RBFOX1: variants seen among roughly 807,000 people sequenced by gnomAD.
The protein encoded by RBFOX1 is RNA binding fox-1 homolog 1.
In RBFOX1, 8 loss-of-function variants were observed where a neutral mutation model predicts 57.7. That is an observed-to-expected ratio of 0.14 (90% CI 0.08 to 0.25). The LOEUF is 0.25. Among genes scored for constraint, RBFOX1 ranks in the 10% least tolerant of loss-of-function variants. The probability of loss-of-function intolerance (pLI) is 1.00; values close to 1 mark genes in which losing one functional copy is unlikely to be tolerated. For synonymous variants in RBFOX1, 326 were observed against 222.4 expected (o/e 1.47, Z -4.15); for missense variants, 611 against 548.5 (o/e 1.11, Z -1.14).
At chr16:6,802,269 G>A (rs2085654176) in intron 3 of RBFOX1, among the ~76,000 whole-genome samples, 1 of 152,116 alleles carries the variant, frequency 6.6e-6, no homozygotes, top group Non-Finnish European at 1.5e-5. Context: ...CAGTAGTTGT[G>A]GAGGCCTGTG....
chr16:6,906,983 C>G (rs2070168690), intron 3 of RBFOX1, among the ~76,000 whole-genome samples: 2 of 152,122 alleles, frequency 1.3e-5, no homozygotes, highest in Admixed American at 6.5e-5. Flanking sequence ...CTCAGCTTCC[C>G]AAAGTGCTAG....
rs145046913 is a variant in RBFOX1 at position 6,405,559 on chromosome 16, C to T, written c.-64+88502C>T. ...CATGCTTAGGCCTGCAAGTGAAACT[C>T]CTTGGTCAGAACTAGTGAAATGGCC... On this transcript the variant is annotated intron_variant, in intron 2 of 15. Coordinates refer to ENST00000550418, the MANE Select transcript of RBFOX1 (RefSeq NM_018723.4). 7.0e-4 allele frequency among the ~76,000 whole-genome samples: 106 copies of T among 152,268 alleles called. No individual in the cohort carries two copies. In the Middle Eastern group the frequency reaches 0.014, roughly 20 times the overall value.
intron 2 of RBFOX1, among the ~76,000 whole-genome samples, chr16:6,612,267 G>A (rs756742404): frequency 1.3e-5 from 2 of 152,062 alleles, no homozygotes; most frequent in Non-Finnish European, 2.9e-5. Context: ...TTAAAATTTT[G>A]CATGATCACA....
intron 1 of RBFOX1, among the ~76,000 whole-genome samples, chr16:6,305,309 T>C (rs2079362968): frequency 2.0e-5 from 3 of 152,170 alleles, no homozygotes; most frequent in African/African-American, 7.2e-5. Flanking sequence ...AATCTGTGAA[T>C]TGGAGATAAT....
chr16:6,024,493 G>A (rs1172967107), intron 1 of RBFOX1, among the ~76,000 whole-genome samples: 3 of 151,330 alleles, frequency 2.0e-5, no homozygotes, highest in East Asian at 1.9e-4. Context: ...ACTCATCTCC[G>A]CTTTCTTTTT....
chr16:7,164,613 C>A (rs920979282), intron 4 of RBFOX1, among the ~76,000 whole-genome samples: 5 of 152,170 alleles, frequency 3.3e-5, no homozygotes, highest in African/African-American at 9.7e-5. Context: ...CTTTTAATAA[C>A]GTGTAATTTC....
rs550240674 is a variant in RBFOX1, at chr16:7,528,160, A to T, written c.270+9771A>T. ...AATGAGGAATGCTCAGGCATATTCTAAGGGTTTGATTTAATGTTTCCTTAG... is the reference window on the plus strand; with the variant it reads ...AATGAGGAATGCTCAGGCATATTCTTAGGGTTTGATTTAATGTTTCCTTAG... On this transcript the variant is annotated intron_variant, in intron 5 of 15. Coordinates refer to ENST00000550418, the MANE Select transcript of RBFOX1 (RefSeq NM_018723.4). 5.3e-5 allele frequency among the ~76,000 whole-genome samples: 8 copies of T among 152,306 alleles called. No homozygotes were observed. The Middle Eastern group carries it at 0.01, about 194-fold the overall frequency.
intron 3 of RBFOX1, among the ~76,000 whole-genome samples, chr16:7,007,934 A>G (rs117638086): frequency 0.015 from 2,345 of 152,296 alleles, 40 homozygotes; most frequent in South Asian, 0.026. Flanking sequence ...TCCTAGTACA[A>G]CAGGTGCCGT....
chr16:7,013,183 C>A (rs2093733378), intron 3 of RBFOX1, among the ~76,000 whole-genome samples: 1 of 152,164 alleles, frequency 6.6e-6, no homozygotes, highest in African/African-American at 2.4e-5. Context: ...TACTCATTGG[C>A]TTTGTGACTG....
At chr16:7,205,818 C>A (rs1444687917) in intron 4 of RBFOX1, among the ~76,000 whole-genome samples, 3 of 152,188 alleles carry the variant, frequency 2.0e-5, no homozygotes, top group South Asian at 2.1e-4. Context: ...GAAACCTTAC[C>A]ACTGAGAGAA....
intron 2 of RBFOX1, among the ~76,000 whole-genome samples, chr16:5,534,450 G>A (rs1018734732): frequency 1.3e-5 from 2 of 152,202 alleles, no homozygotes; most frequent in Non-Finnish European, 2.9e-5. Context: ...GCAGCCTTCA[G>A]TCTGTGGTGG....
At chr16:7,070,080 T>C (rs1445528677) in intron 4 of RBFOX1, among the ~76,000 whole-genome samples, 1 of 152,166 alleles carries the variant, frequency 6.6e-6, no homozygotes, top group African/African-American at 2.4e-5. Context: ...TCACTGCTGT[T>C]GTAGGATGTG....
chr16:7,025,561 A>G (rs1031949775), intron 3 of RBFOX1, among the ~76,000 whole-genome samples: 1 of 152,156 alleles, frequency 6.6e-6, no homozygotes, highest in East Asian at 1.9e-4. Flanking sequence ...ATCCCAAGAC[A>G]TAAGATTGTG....
intron 1 of RBFOX1, among the ~76,000 whole-genome samples, chr16:6,132,632 G>T (rs1042490217): frequency 6.6e-6 from 1 of 152,288 alleles, no homozygotes; most frequent in South Asian, 2.1e-4. Context: ...TCAAATTAGC[G>T]AAGGTGGCAT....
intron 2 of RBFOX1, among the ~76,000 whole-genome samples, chr16:6,370,656 A>G (rs779946606): frequency 1.1e-4 from 16 of 152,296 alleles, no homozygotes; most frequent in Non-Finnish European, 2.1e-4. Flanking sequence ...AGACAAAGTA[A>G]TATAGTGGTT....
chr16:6,860,022 C>T (rs1019291892), intron 3 of RBFOX1, among the ~76,000 whole-genome samples: 2 of 152,096 alleles, frequency 1.3e-5, no homozygotes, highest in East Asian at 3.9e-4. Flanking sequence ...GAGTTAACAC[C>T]ACAAGGGTAC....
chr16:7,074,786 CT>C (rs1447584881), intron 4 of RBFOX1, among the ~76,000 whole-genome samples: 2 of 152,090 alleles, frequency 1.3e-5, no homozygotes, highest in Non-Finnish European at 2.9e-5. Context: ...TAAAGAAATG[CT>C]TAAAACCAAA....
At chr16:6,940,956 C>G (rs1427528842) in intron 3 of RBFOX1, among the ~76,000 whole-genome samples, 1 of 151,838 alleles carries the variant, frequency 6.6e-6, no homozygotes, top group Non-Finnish European at 1.5e-5. Flanking sequence ...ATCCATCCGT[C>G]TTGGCCTCTC....
At chr16:5,682,374 G>A (rs1157560419) in intron 3 of RBFOX1, among the ~76,000 whole-genome samples, 1 of 152,178 alleles carries the variant, frequency 6.6e-6, no homozygotes, top group Non-Finnish European at 1.5e-5. Flanking sequence ...TGGTTAAAAT[G>A]TGGTAATCGA....
Sources: gnomAD v4.1 joint callset for allele counts (sites outside exome capture counted in the v4.1 genomes callset) on GRCh38, gnomAD v4.1.1 for gene constraint, MANE v1.5 for transcripts, NCBI Gene and HGNC (gene_info 2026-07-23, HGNC 2026-07-21) for gene names.